The following BIRC6 variants were observed in gnomAD, a reference collection of about 807,000 sequenced individuals.
The protein encoded by BIRC6 is baculoviral IAP repeat containing 6, also known as dual E2 ubiquitin-conjugating enzyme/E3 ubiquitin-protein ligase BIRC6.
In BIRC6, 98 loss-of-function variants were observed where a neutral mutation model predicts 503.3. That is an observed-to-expected ratio of 0.19 (90% CI 0.17 to 0.23). The LOEUF (loss-of-function observed/expected upper bound fraction) is 0.23. BIRC6 is among the 10% of genes least tolerant of loss of function. The probability of loss-of-function intolerance (pLI) is 1.00; values close to 1 mark genes in which losing one functional copy is unlikely to be tolerated. For missense variants in BIRC6, 5,360 were observed against 5,806.0 expected (o/e 0.92, Z 2.50); for synonymous variants, 2,240 against 2,078.7 (o/e 1.08, Z -2.11).
intron 3 of BIRC6, among the ~76,000 whole-genome samples, chr2:32,385,051 C>A (rs1485393359): frequency 4.6e-5 from 7 of 152,114 alleles, no homozygotes; most frequent in Non-Finnish European, 8.8e-5. Context: ...TACTTCTAGC[C>A]AACTCTAAAT....
intron 66 of BIRC6, among the ~76,000 whole-genome samples, chr2:32,586,357 A>G (rs1454440741): frequency 2.7e-5 from 4 of 149,548 alleles, no homozygotes; most frequent in East Asian, 2.0e-4. Context: ...ATCAAATGGC[A>G]TTATATGAGC....
intron 25 of BIRC6, 113 bp downstream of exon 25, chr2:32,464,936 C>A: frequency 7.2e-7 from 1 of 1,396,318 alleles, no homozygotes; most frequent in Non-Finnish European, 9.6e-7. Flanking sequence ...AAGTTATTTT[C>A]TTTTATAAAA....
intron 1 of BIRC6, among the ~76,000 whole-genome samples, chr2:32,360,897 T>C (rs75360583): frequency 6.6e-6 from 1 of 151,084 alleles, no homozygotes; most frequent in East Asian, 1.9e-4. Context: ...TGTGTGTGTA[T>C]GTGTGTGTGT....
intron 2 of BIRC6, among the ~76,000 whole-genome samples, chr2:32,378,647 G>A (rs1397902713): frequency 2.0e-5 from 3 of 151,834 alleles, no homozygotes; most frequent in African/African-American, 4.8e-5. Flanking sequence ...TAGTAGAGAC[G>A]GGTTTCACCA....
At chr2:32,527,663 A>G (rs2056385677) in intron 59 of BIRC6, 1 of 152,480 alleles carries the variant, frequency 6.6e-6, no homozygotes, top group African/African-American at 2.4e-5. Context: ...AGGATTCTGT[A>G]TGTCAAGTGA....
At position 32,499,975 on chromosome 2, in the gene BIRC6, G is replaced by T. The variant is rs1049332823; in HGVS notation, c.8897G>T (p.Gly2966Val). The T allele has an allele frequency of 1.2e-6, 2 of 1,613,982 alleles. No individual in the cohort carries two copies. Among genetic ancestry groups the T allele is most frequent in the Admixed American group, 1.7e-5 (1 of 60,018 alleles). Residue 2966 changes from glycine to valine, a missense_variant, in exon 46 of 74, where the codon GGC (glycine) becomes GTC (valine). Around this residue, in one of 16 missense-constraint regions of BIRC6, gnomAD observed 2,299 missense variants for 2,267.2 expected, o/e 1.01. Transcript: ENST00000421745. Reference protein sequence around the residue: ...DEEKVSGGKDGNGSSTSVQGS... With the variant: ...DEEKVSGGKDVNGSSTSVQGS... Reference sequence around the variant, plus strand: ...GAAAAAGTCTCAGGAGGCAAAGATGGCAATGGAAGCAGTACCAGTGTTCAA... The same window carrying T: ...GAAAAAGTCTCAGGAGGCAAAGATGTCAATGGAAGCAGTACCAGTGTTCAA...
rs570146979 is a variant in BIRC6 at position 32,414,653 on chromosome 2, C to G, written c.1478-116C>G. 1.2e-3 allele frequency: 972 copies of G among 833,864 alleles called. 2 individuals are homozygous for G. Among genetic ancestry groups the G allele is most frequent in the Admixed American group, 1.8e-3 (50 of 27,170 alleles). 51.7% of individuals were successfully genotyped at this position (833,864 alleles called of 1,614,324 possible). A position where few individuals can be genotyped will look rare whatever the true frequency, so the allele number is the denominator to read the frequency against. ...CTGCACTCTAGCCTGTGTGACAGAG[C>G]AAGAATTTGTCTCAAAAATAAATAA... On this transcript the variant is annotated intron_variant, in intron 9 of 73. Transcript: ENST00000421745.
At chr2:32,577,721 A>G (rs994956326) in intron 66 of BIRC6, among the ~76,000 whole-genome samples, 1 of 152,236 alleles carries the variant, frequency 6.6e-6, no homozygotes, top group Non-Finnish European at 1.5e-5. Context: ...TTTTTGAGAA[A>G]GGAATCTTCT....
chr2:32,365,482 G>A (rs1024305707), intron 1 of BIRC6, among the ~76,000 whole-genome samples: 3 of 151,630 alleles, frequency 2.0e-5, no homozygotes, highest in African/African-American at 7.3e-5. Flanking sequence ...TGCACGCCCA[G>A]CTAATTTTTT....
intron 3 of BIRC6, among the ~76,000 whole-genome samples, chr2:32,384,509 G>A (rs72867228): frequency 3.2e-4 from 48 of 152,180 alleles, no homozygotes; most frequent in African/African-American, 1.1e-3. Context: ...GACAGAACAG[G>A]TAAATGCATA....
At chr2:32,465,413 T>G (rs962975870) in intron 26 of BIRC6, among the ~76,000 whole-genome samples, 1 of 152,108 alleles carries the variant, frequency 6.6e-6, no homozygotes, top group African/African-American at 2.4e-5. Flanking sequence ...GCTGATACAT[T>G]ATTGACATAA....
intron 3 of BIRC6, 67 bp from the exon 4 acceptor site, chr2:32,388,683 T>A: frequency 8.6e-7 from 1 of 1,167,150 alleles, no homozygotes; most frequent in South Asian, 2.0e-5. Flanking sequence ...TGATAATGGT[T>A]AAGTTATGAT....
chr2:32,592,508 T>C lies in BIRC6; in HGVS notation c.13356-1407T>C, dbSNP rs146298691. Among the ~76,000 whole-genome samples, 287 of 152,350 alleles carry C rather than the reference T, an allele frequency of 1.9e-3. 2 individuals carry two copies. The highest frequency in any genetic ancestry group is 3.0e-3 in the Non-Finnish European group (201 of 68,024). The stretch of plus-strand genomic sequence containing the variant: ...CTGTTTATCTACCTTGAGTTAAGGA[T>C]TGAATAGCTTCTGAGCAGATTTTTG... On this transcript the variant is annotated intron_variant, in intron 66 of 73. Coordinates refer to ENST00000421745, the MANE Select transcript of BIRC6 (RefSeq NM_016252.4).
chr2:32,447,630 C>G (rs1186523582), intron 21 of BIRC6, among the ~76,000 whole-genome samples: 2 of 119,364 alleles, frequency 1.7e-5, no homozygotes, highest in East Asian at 2.7e-4. Flanking sequence ...CCCTCCCGGA[C>G]GGCGCGGCTG....
intron 6 of BIRC6, among the ~76,000 whole-genome samples, chr2:32,400,767 T>A (rs1197694530): frequency 6.6e-6 from 1 of 152,208 alleles, no homozygotes; most frequent in Non-Finnish European, 1.5e-5. Context: ...TGGCCCCTGA[T>A]AGATATGGAG....
In BIRC6 at chr2:32,439,659, A is replaced by G. The variant is rs2045178810; in HGVS notation, c.3783A>G (p.Ser1261=). The change falls in exon 16 of 74, where the codon TCA becomes TCG. Residue 1261 remains serine, a synonymous_variant. Transcript: ENST00000421745. ...HQSNKGYSLA[S]LLAKVAAGKE... ...GTAACAAGGGTTATTCACTTGCTTC[A>G]CTTTTGGCTAAAGTTGCAGCAGGCA... The G allele has an allele frequency of 3.1e-6, 5 of 1,613,780 alleles. No individual in the cohort carries two copies. In the South Asian group the frequency reaches 3.3e-5, roughly 11 times the overall value.
At chr2:32,388,224 C>A (rs990723993) in intron 3 of BIRC6, among the ~76,000 whole-genome samples, 2 of 151,294 alleles carry the variant, frequency 1.3e-5, no homozygotes, top group Non-Finnish European at 2.9e-5. Context: ...ACTAAAAATA[C>A]AAAAAAATTA....
At chr2:32,548,733 G>A (rs1487387245) in intron 64 of BIRC6, 1 of 152,198 alleles carries the variant, frequency 6.6e-6, no homozygotes, top group Non-Finnish European at 1.5e-5. Flanking sequence ...AGCGAGCCAA[G>A]ATTGCACCAT....
intron 6 of BIRC6, among the ~76,000 whole-genome samples, 196 bp downstream of exon 6, chr2:32,395,789 TA>T (rs560838772): frequency 1.5e-3 from 231 of 152,346 alleles, no homozygotes; most frequent in African/African-American, 5.3e-3. Flanking sequence ...TTTGACTTTC[TA>T]AAAATTGTAC....
Sources: gnomAD v4.1 joint callset for allele counts (sites outside exome capture counted in the v4.1 genomes callset) on GRCh38, gnomAD v4.1.1 for gene constraint, gnomAD v4.1.1 regional missense constraint, MANE v1.5 for transcripts, NCBI Gene and HGNC (gene_info 2026-07-23, HGNC 2026-07-21) for gene names.